The following FAM171A1 variants were observed in gnomAD, a reference collection of about 807,000 sequenced individuals.
The protein encoded by FAM171A1 is protein FAM171A1.
Under a neutral mutation model 74.9 loss-of-function variants are expected in FAM171A1, and 23 were observed. The ratio of observed to expected loss-of-function variants is 0.31; its 90% confidence interval spans 0.22 to 0.44. FAM171A1 has a LOEUF of 0.44. Among genes scored for constraint, FAM171A1 ranks in the 20% least tolerant of loss-of-function variants. The pLI is 1.00. For synonymous variants in FAM171A1, 527 were observed against 505.7 expected, an observed-to-expected ratio of 1.04 and a Z score of -0.57; for missense variants, 1,162 against 1,159.2, an observed-to-expected ratio of 1.00 and a Z score of -0.03.
chr10:15,266,887 G>T (rs75250923), intron 3 of FAM171A1, among the ~76,000 whole-genome samples: 1 of 146,298 alleles, frequency 6.8e-6, no homozygotes, highest in Non-Finnish European at 1.5e-5. Flanking sequence ...AAAAAAAAAA[G>T]AGAGAGAGAA....
At chr10:15,217,748 C>T (rs141391342) in intron 6 of FAM171A1, among the ~76,000 whole-genome samples, 1,937 of 151,986 alleles carry the variant, frequency 0.013, 20 homozygotes, top group Non-Finnish European at 0.022. Flanking sequence ...AGTGATTCTC[C>T]TGCCTCAGCC....
At chr10:15,373,542 C>T (rs138805717), upstream of FAM171A1, among the ~76,000 whole-genome samples, 1 of 152,256 alleles carries the variant, frequency 6.6e-6, no homozygotes, top group East Asian at 1.9e-4. Flanking sequence ...TTGTTTGAAC[C>T]TGCTCTAATC....
intron 1 of FAM171A1, among the ~76,000 whole-genome samples, chr10:15,298,757 T>G (rs79045141): frequency 1.3e-5 from 2 of 152,100 alleles, no homozygotes; most frequent in African/African-American, 4.8e-5. Flanking sequence ...ACCACGGAAA[T>G]GTAAATATGG....
intron 1 of FAM171A1, among the ~76,000 whole-genome samples, chr10:15,295,771 C>T (rs559804961): frequency 2.0e-5 from 3 of 152,316 alleles, no homozygotes. Flanking sequence ...AATGCTCTCA[C>T]CCCAAGTAGC....
intron 1 of FAM171A1, among the ~76,000 whole-genome samples, chr10:15,309,821 AT>A (rs1272189682): frequency 2.6e-5 from 4 of 152,246 alleles, no homozygotes; most frequent in African/African-American, 7.2e-5. Flanking sequence ...ATTGCAGGTA[AT>A]ATTTACCTGT....
chr10:15,216,218 T>C (rs1200426969), intron 6 of FAM171A1, 108 bp from the exon 7 acceptor site: 6 of 674,036 alleles, frequency 8.9e-6, no homozygotes, highest in Non-Finnish European at 1.2e-5. Context: ...AGCTGGGGCA[T>C]AGAGCAGTGG....
intron 1 of FAM171A1, among the ~76,000 whole-genome samples, chr10:15,319,883 T>G (rs561816883): frequency 6.6e-6 from 1 of 152,232 alleles, no homozygotes; most frequent in Non-Finnish European, 1.5e-5. Context: ...TCTGTAACTC[T>G]TTTAATGAGA....
chr10:15,254,555 G>A (rs1834551376), intron 4 of FAM171A1, among the ~76,000 whole-genome samples, 166 bp downstream of exon 4: 1 of 152,106 alleles, frequency 6.6e-6, no homozygotes, highest in African/African-American at 2.4e-5. Context: ...GGCTCGTACC[G>A]ACGTAACACA....
At chr10:15,244,120 G>A (rs1256619229) in intron 5 of FAM171A1, among the ~76,000 whole-genome samples, 2 of 152,324 alleles carry the variant, frequency 1.3e-5, no homozygotes, top group East Asian at 3.9e-4. Context: ...GTGGGAAGCT[G>A]AGGTGGGTGG....
At chr10:15,258,877 C>T (rs1226837428) in intron 3 of FAM171A1, among the ~76,000 whole-genome samples, 4 of 152,224 alleles carry the variant, frequency 2.6e-5, no homozygotes, top group African/African-American at 4.8e-5. Flanking sequence ...CACCCATCGC[C>T]TGTGCCATTT....
chr10:15,304,996 C>G (rs1032953764), intron 1 of FAM171A1, among the ~76,000 whole-genome samples: 62 of 152,294 alleles, frequency 4.1e-4, no homozygotes, highest in African/African-American at 1.4e-3. Flanking sequence ...AGCCTCCTTC[C>G]AAAGTGCTGG....
intron 1 of FAM171A1, among the ~76,000 whole-genome samples, chr10:15,314,988 C>T (rs575016502): frequency 1.3e-5 from 2 of 152,206 alleles, no homozygotes; most frequent in African/African-American, 2.4e-5. Flanking sequence ...CAGAATGGTA[C>T]GATCTCAGAC....
At chr10:15,359,734 G>A (rs1835972492) in intron 1 of FAM171A1, among the ~76,000 whole-genome samples, 1 of 152,186 alleles carries the variant, frequency 6.6e-6, no homozygotes, top group Admixed American at 6.5e-5. Context: ...TCGCAGAAGG[G>A]TAAGTCAGAG....
At chr10:15,312,086 G>A (rs981487821) in intron 1 of FAM171A1, among the ~76,000 whole-genome samples, 1 of 152,208 alleles carries the variant, frequency 6.6e-6, no homozygotes, top group African/African-American at 2.4e-5. Context: ...AGATTCAAGC[G>A]TGCATCTTCT....
intron 5 of FAM171A1, among the ~76,000 whole-genome samples, chr10:15,235,436 A>C (rs775758942): frequency 6.6e-6 from 1 of 150,914 alleles, no homozygotes; most frequent in Non-Finnish European, 1.5e-5. Context: ...ACATACATAC[A>C]CATGACATCC....
At chr10:15,270,543 CAG>C (rs1834809858) in intron 3 of FAM171A1, among the ~76,000 whole-genome samples, 1 of 152,188 alleles carries the variant, frequency 6.6e-6, no homozygotes, top group Admixed American at 6.5e-5. Context: ...TTCTCCAGCA[CAG>C]AGTTTGAGAT....
At chr10:15,225,944 A>G (rs1834101069) in intron 5 of FAM171A1, among the ~76,000 whole-genome samples, 1 of 152,100 alleles carries the variant, frequency 6.6e-6, no homozygotes, top group Non-Finnish European at 1.5e-5. Flanking sequence ...AACAGTCCCT[A>G]ATGTGACAGC....
At chr10:15,305,174 A>G (rs944543132) in intron 1 of FAM171A1, among the ~76,000 whole-genome samples, 6 of 152,240 alleles carry the variant, frequency 3.9e-5, no homozygotes, top group African/African-American at 1.4e-4. Context: ...TGAACAAGGT[A>G]CTGGTGCAGA....
chr10:15,331,938 C>G (rs1835643587), intron 1 of FAM171A1, among the ~76,000 whole-genome samples: 3 of 144,162 alleles, frequency 2.1e-5, no homozygotes, highest in Admixed American at 7.1e-5. Flanking sequence ...ATCTAGAGCA[C>G]CTGAAATTTA....
Sources: gnomAD v4.1 joint callset for allele counts (sites outside exome capture counted in the v4.1 genomes callset) on GRCh38, gnomAD v4.1.1 for gene constraint, MANE v1.5 for transcripts, NCBI Gene and HGNC (gene_info 2026-07-23, HGNC 2026-07-21) for gene names.